The following YTHDF3 variants were observed in gnomAD, a reference collection of about 807,000 sequenced individuals.
YTHDF3 encodes the protein YTH domain-containing family protein 3.
In YTHDF3, 9 loss-of-function variants were observed where a neutral mutation model predicts 52.5. The observed-to-expected ratio is 0.17, with a 90% CI of 0.10 to 0.30. YTHDF3 has a LOEUF of 0.30. Among genes scored for constraint, YTHDF3 ranks in the 10% least tolerant of loss-of-function variants. The pLI, the probability that YTHDF3 is intolerant of heterozygous loss-of-function variation, is 1.00. For missense variants in YTHDF3, 534 were observed against 715.0 expected (o/e 0.75, Z 2.89); for synonymous variants, 274 against 243.3 (o/e 1.13, Z -1.18).
intron 4 of YTHDF3, among the ~76,000 whole-genome samples, chr8:63,208,727 C>T (rs540577646): frequency 8.5e-5 from 13 of 152,304 alleles, no homozygotes; most frequent in African/African-American, 2.9e-4. Flanking sequence ...TACTTGATTT[C>T]TAATAAACAT....
intron 3 of YTHDF3, among the ~76,000 whole-genome samples, chr8:63,181,523 C>G (rs565601385): frequency 6.6e-6 from 1 of 152,124 alleles, no homozygotes; most frequent in Non-Finnish European, 1.5e-5. Context: ...ATATTTCTTT[C>G]ACGATCTCAA....
At chr8:63,169,130 G>A (rs963833080) in intron 1 of YTHDF3, 13 of 1,421,414 alleles carry the variant, frequency 9.1e-6, no homozygotes, top group Non-Finnish European at 1.2e-5. Context: ...CGGTCTTAGG[G>A]GCCTTAGGAC....
At position 63,212,599 on chromosome 8, in the gene YTHDF3, A is replaced by C. The variant is rs148059219; in HGVS notation, c.*2893A>C. 1.1e-3 allele frequency: 163 copies of C among 152,746 alleles called. No individual in the cohort carries two copies. Among genetic ancestry groups the C allele is most frequent in the African/African-American group, 3.9e-3 (161 of 41,568 alleles). The allele number at this position is 152,746 out of a possible 1,614,324, so 9.5% of individuals were successfully genotyped here. A position where few individuals can be genotyped will look rare whatever the true frequency, so the allele number is the denominator to read the frequency against. On this transcript the variant is annotated 3_prime_UTR_variant, in exon 5 of 5. Coordinates refer to ENST00000539294, the MANE Select transcript of YTHDF3 (RefSeq NM_152758.6). ...TTTTTCGTATGATTAAAGGAAGGTT[A>C]TGATAAAATGATTAGTTCATTTACA...
intron 3 of YTHDF3, among the ~76,000 whole-genome samples, chr8:63,183,465 A>C (rs1404762769): frequency 6.6e-6 from 1 of 152,098 alleles, no homozygotes; most frequent in Non-Finnish European, 1.5e-5. Flanking sequence ...TTTAGTCATT[A>C]ATTTTGTCAA....
intron 4 of YTHDF3, among the ~76,000 whole-genome samples, chr8:63,202,164 TAAGTTTAAGA>T (rs1279858832): frequency 2.0e-5 from 3 of 152,232 alleles, no homozygotes; most frequent in Admixed American, 6.5e-5. Context: ...AATGTAAATG[TAAGTTTAAGA>T]AATCTGAAGA....
Position 63,187,559 on chromosome 8 carries a change from AC to A in YTHDF3, c.1549del (p.Arg517GlyfsTer5). On this transcript the variant is annotated frameshift_variant, in exon 4 of 5. Coordinates refer to ENST00000539294, the MANE Select transcript of YTHDF3 (RefSeq NM_152758.6). LOFTEE classifies it high-confidence loss of function. The part of the protein sequence containing the change: ...FVKDVPNNQL[R>X]HIRLENNDNK... ...TCAAAGATGTTCCCAATAACCAATTACGGCATATTCGCTTAGAAAATAATGA... is the reference window on the plus strand; with the variant it reads ...TCAAAGATGTTCCCAATAACCAATTAGGCATATTCGCTTAGAAAATAATGA... The A allele has an allele frequency of 6.2e-7, 1 of 1,613,976 alleles. No individual in the cohort carries two copies. The highest frequency in any genetic ancestry group is 8.5e-7 in the Non-Finnish European group (1 of 1,179,872).
intron 2 of YTHDF3, chr8:63,173,689 A>G (rs1807496892): frequency 3.0e-5 from 30 of 985,294 alleles, no homozygotes; most frequent in Non-Finnish European, 3.6e-5. Context: ...CAGGTATGTC[A>G]GAATCTCTTG....
intron 2 of YTHDF3, among the ~76,000 whole-genome samples, chr8:63,174,227 A>G (rs957222577): frequency 6.6e-6 from 1 of 152,248 alleles, no homozygotes; most frequent in African/African-American, 2.4e-5. Context: ...TCTAATTTGT[A>G]GACATCCATC....
intron 3 of YTHDF3, among the ~76,000 whole-genome samples, chr8:63,182,756 A>G (rs1353057940): frequency 6.6e-6 from 1 of 152,144 alleles, no homozygotes; most frequent in African/African-American, 2.4e-5. Context: ...TTTCCTATGC[A>G]TCTCCATGTG....
At chr8:63,184,893 C>T (rs1449161702) in intron 3 of YTHDF3, among the ~76,000 whole-genome samples, 1 of 152,106 alleles carries the variant, frequency 6.6e-6, no homozygotes, top group African/African-American at 2.4e-5. Context: ...CTGAGGTGGG[C>T]AGATTGCTTG....
intron 4 of YTHDF3, among the ~76,000 whole-genome samples, chr8:63,204,913 C>T (rs532178773): frequency 8.0e-4 from 122 of 152,238 alleles, no homozygotes; most frequent in Admixed American, 7.1e-3. Context: ...AGTCATTTAT[C>T]TGTCTTGTCT....
chr8:63,196,822 T>C (rs1338395176), intron 4 of YTHDF3, among the ~76,000 whole-genome samples: 1 of 152,074 alleles, frequency 6.6e-6, no homozygotes, highest in Non-Finnish European at 1.5e-5. Context: ...AGTGTAGACT[T>C]AAAAGAGCTT....
intron 3 of YTHDF3, among the ~76,000 whole-genome samples, chr8:63,177,552 C>T (rs1341659870): frequency 6.6e-6 from 1 of 152,106 alleles, no homozygotes; most frequent in Non-Finnish European, 1.5e-5. Flanking sequence ...TATTTTCCAA[C>T]TTTGCTGAGA....
In YTHDF3 at chr8:63,209,950, A is replaced by C. The variant is rs1810284362; in HGVS notation, c.*244A>C. The C allele has an allele frequency of 2.3e-6, 1 of 425,634 alleles. No individual in the cohort carries two copies. The allele number at this position is 425,634 out of a possible 1,614,324, so 26.4% of individuals were successfully genotyped here. On this transcript the variant is annotated 3_prime_UTR_variant, in exon 5 of 5. Transcript: ENST00000539294. ...TTTCTGTCCTGAAGCTTTTACCAGT[A>C]TCTGCTGTCTTTTGTAATTATGCAT...
chr8:63,196,142 TC>T (rs1363409372), intron 4 of YTHDF3, among the ~76,000 whole-genome samples: 1 of 151,930 alleles, frequency 6.6e-6, no homozygotes, highest in Non-Finnish European at 1.5e-5. Context: ...GTGCCAGTAT[TC>T]CAGCTACTTG....
At position 63,173,213 on chromosome 8, in the gene YTHDF3, T is replaced by TACAC. The variant is rs1554533391; in HGVS notation, c.50-2115_50-2114insCACA. 1.7e-3 allele frequency among the ~76,000 whole-genome samples: 243 copies of TACAC among 146,138 alleles called. 4 individuals carry two copies. Among genetic ancestry groups the TACAC allele is most frequent in the African/African-American group, 6.1e-3 (231 of 37,840 alleles). On this transcript the variant is annotated intron_variant, in intron 2 of 4. Transcript: ENST00000539294. ...TAACAGGATTATATTTATATATATA[T>TACAC]ACAGATAAATTTTAAGTAAGTACTT...
chr8:63,207,910 G>A (rs1810138510), intron 4 of YTHDF3, among the ~76,000 whole-genome samples: 1 of 152,096 alleles, frequency 6.6e-6, no homozygotes, highest in Admixed American at 6.6e-5. Flanking sequence ...CTCATCCAAA[G>A]CTATTTATTT....
chr8:63,183,048 C>T (rs1179264552), intron 3 of YTHDF3, among the ~76,000 whole-genome samples: 1 of 151,598 alleles, frequency 6.6e-6, no homozygotes, highest in Non-Finnish European at 1.5e-5. Flanking sequence ...CCTCTGCCTC[C>T]TGGGTTCAAG....
At chr8:63,181,464 G>C (rs1451145901) in intron 3 of YTHDF3, among the ~76,000 whole-genome samples, 1 of 151,970 alleles carries the variant, frequency 6.6e-6, no homozygotes, top group Non-Finnish European at 1.5e-5. Flanking sequence ...CCATCTGATT[G>C]GCAAAATAGA....
Sources: gnomAD v4.1 joint callset for allele counts (sites outside exome capture counted in the v4.1 genomes callset) on GRCh38, gnomAD v4.1.1 for gene constraint, MANE v1.5 for transcripts, NCBI Gene and HGNC (gene_info 2026-07-23, HGNC 2026-07-21) for gene names.